Variants in ADGRA2 observed in about 807,000 individuals in gnomAD.
ADGRA2 encodes adhesion G protein-coupled receptor A2.
In ADGRA2, 61 loss-of-function variants were observed where a neutral mutation model predicts 98.7. The ratio of observed to expected loss-of-function variants is 0.62; its 90% CI spans 0.50 to 0.76. The LOEUF is 0.76. Ranked by LOEUF, ADGRA2 falls within the 30% of genes least tolerant of loss-of-function variation. ADGRA2 has a pLI of 0.00. For missense variants in ADGRA2, 1,712 were observed against 1,860.0 expected (o/e 0.92, Z 1.46); for synonymous variants, 858 against 831.5 (o/e 1.03, Z -0.55).
Position 37,815,078 on chromosome 8 carries a change from C to T in ADGRA2, c.338+111C>T, listed in dbSNP as rs116358500. On this transcript the variant is annotated intron_variant, in intron 2 of 18. Transcript: ENST00000412232. ...CTGAGTGACTCCAGAACCTGCCGGCCGAGCAGGGCCCGGAGTTAGACCCAC... is the reference window on the plus strand; with the variant it reads ...CTGAGTGACTCCAGAACCTGCCGGCTGAGCAGGGCCCGGAGTTAGACCCAC... The T allele has an allele frequency of 2.9e-3, 2,334 of 799,426 alleles. 32 individuals are homozygous for T. The African/African-American group carries it at 0.035, about 12-fold the overall frequency. 49.5% of individuals were successfully genotyped at this position (799,426 alleles called of 1,614,324 possible).
chr8:37,816,262 C>A (rs1244373802), intron 2 of ADGRA2, among the ~76,000 whole-genome samples: 1 of 146,278 alleles, frequency 6.8e-6, no homozygotes, highest in Admixed American at 6.6e-5. Flanking sequence ...TGCACTCCAG[C>A]CTGTGTAACA....
At chr8:37,835,093 C>A in intron 11 of ADGRA2, 81 bp from the exon 12 acceptor site, 1 of 971,900 alleles carries the variant, frequency 1.0e-6, no homozygotes, top group Non-Finnish European at 1.6e-6. Flanking sequence ...ACAGCCTGAG[C>A]AGGCCCATTG....
chr8:37,819,125 T>A (rs772480166), intron 2 of ADGRA2, among the ~76,000 whole-genome samples: 12 of 151,982 alleles, frequency 7.9e-5, no homozygotes, highest in South Asian at 2.1e-4. Flanking sequence ...ATGGGGTGAT[T>A]TGGGAGGTGC....
At chr8:37,825,405 G>A (rs1402314755) in intron 2 of ADGRA2, among the ~76,000 whole-genome samples, 2 of 151,394 alleles carry the variant, frequency 1.3e-5, no homozygotes, top group Non-Finnish European at 2.9e-5. Context: ...CCCCACATTG[G>A]CTAAATTTTT....
chr8:37,830,630 AT>A lies in ADGRA2; in HGVS notation c.719-79del. On this transcript the variant is annotated intron_variant, in intron 6 of 18. Coordinates refer to ENST00000412232, the MANE Select transcript of ADGRA2 (RefSeq NM_032777.10). The surrounding 1 kb of genome is among the most constrained non-coding windows in gnomAD (Gnocchi z 4.8). ...CGAGGGCCCCGCCCCGCCCCACCCC[AT>A]CCTGCTGGACTCTCGCTCACACGTG... 13 of 254,300 alleles carry A rather than the reference AT, an allele frequency of 5.1e-5. No homozygotes were observed. The highest frequency in any genetic ancestry group is 2.3e-4 in the East Asian group (2 of 8,812). The allele number at this position is 254,300 out of a possible 1,614,324, so 15.8% of individuals were successfully genotyped here.
chr8:37,841,024 GGCCCCCAGCCCCACCCCA>G lies in ADGRA2; in HGVS notation c.2748-58_2748-41del. On this transcript the variant is annotated intron_variant, in intron 18 of 18. Coordinates refer to ENST00000412232, the MANE Select transcript of ADGRA2 (RefSeq NM_032777.10). This position sits in a 1 kb window ranked among gnomAD's most constrained non-coding sequence, Gnocchi z 5.0. ...CATATCCTGTCTCCCCAACCACCCC[GGCCCCCAGCCCCACCCCA>G]GCCATGCCCCCTGTCCTCATCACTG... 2 of 575,272 alleles carry G rather than the reference GGCCCCCAGCCCCACCCCA, an allele frequency of 3.5e-6. No individual in the cohort carries two copies. Among genetic ancestry groups the G allele is most frequent in the Non-Finnish European group, 6.1e-6 (2 of 326,950 alleles). The allele number at this position is 575,272 out of a possible 1,614,324, so 35.6% of individuals were successfully genotyped here.
intron 14 of ADGRA2, 60 bp from the exon 15 acceptor site, chr8:37,838,896 G>A: frequency 1.3e-6 from 2 of 1,515,046 alleles, no homozygotes; most frequent in East Asian, 2.3e-5. Context: ...GAGGAAAGCT[G>A]GCCTGGGGGC....
chr8:37,837,658 T>C, intron 13 of ADGRA2, 73 bp from the exon 14 acceptor site: 1 of 1,266,094 alleles, frequency 7.9e-7, no homozygotes, highest in Non-Finnish European at 1.1e-6. Flanking sequence ...CTGCTGCTGC[T>C]GCTGAGTCCC....
chr8:37,829,324 T>C lies in ADGRA2; in HGVS notation c.474T>C (p.Leu158=). ...AGACCTTCCAGGGCCTCCCCAGGCT[T>C]CTCCGACTGTAAGTGATGGGGTGAG... The part of the protein sequence containing the change: ...TSETFQGLPR[L]LRLNISGNIF... Residue 158 remains leucine (L), a synonymous_variant, in exon 4 of 19, where the codon CTT becomes CTC. Transcript: ENST00000412232. 3 of 1,612,250 alleles carry C rather than the reference T, an allele frequency of 1.9e-6. No individual in the cohort carries two copies. The highest frequency in any genetic ancestry group is 2.2e-5 in the South Asian group (2 of 90,986).
Position 37,835,324 on chromosome 8 carries a change from C to G in ADGRA2, c.1759C>G (p.Pro587Ala), listed in dbSNP as rs1334816285. The change falls in exon 12 of 19, where the codon CCA (proline) becomes GCA (alanine). Residue 587 changes from proline (P) to alanine (A), a missense_variant. Physicochemically the swap from Pro to Ala is conservative, Grantham distance 27. Transcript: ENST00000412232. Reference sequence around the variant, plus strand: ...GAACCCCCCACCTGAGCCCGAGCCCCCAGCTGACCAGCAGCTCCGCTTCCG... The same window carrying G: ...GAACCCCCCACCTGAGCCCGAGCCCGCAGCTGACCAGCAGCTCCGCTTCCG... Reference protein sequence around the residue: ...GQNPPPEPEPPADQQLRFRCT... With the variant: ...GQNPPPEPEPAADQQLRFRCT... The G allele has an allele frequency of 6.2e-7, 1 of 1,613,504 alleles. No individual in the cohort carries two copies. The highest frequency in any genetic ancestry group is 8.5e-7 in the Non-Finnish European group (1 of 1,179,978).
chr8:37,835,583 GC>G lies in ADGRA2; in HGVS notation c.1868del (p.Pro623ArgfsTer69). ...GCGTGGCCCTGGCCTCCATCCAGCT[GC>G]CCCCGAGTCTATTCTCATCCCTTCC... ...NSVALASIQL[P>X]PSLFSSLPAA... On this transcript the variant is annotated frameshift_variant, in exon 13 of 19. Transcript: ENST00000412232. LOFTEE classifies it high-confidence loss of function. The G allele has an allele frequency of 1.2e-6, 2 of 1,613,338 alleles. No individual in the cohort carries two copies. Among genetic ancestry groups the G allele is most frequent in the Non-Finnish European group, 1.7e-6 (2 of 1,179,356 alleles).
Position 37,814,953 on chromosome 8 carries a change from A to G in ADGRA2, c.324A>G (p.Ser108=), listed in dbSNP as rs16887051. The G allele has an allele frequency of 0.036, 57,722 of 1,610,942 alleles. 1,239 individuals carry two copies. Among genetic ancestry groups the G allele is most frequent in the East Asian group, 0.075 (3,380 of 44,862 alleles). Residue 108 remains serine (S), a synonymous_variant, in exon 2 of 19, where the codon TCA becomes TCG. Coordinates refer to ENST00000412232, the MANE Select transcript of ADGRA2 (RefSeq NM_032777.10). The surrounding 1 kb of genome is among the most constrained non-coding windows in gnomAD (Gnocchi z 4.3). ...GLRNGSFLGL[S]LLEKLDLRNN... Reference sequence around the variant, plus strand: ...GCAATGGCTCCTTCCTGGGACTGTCACTGCTGGAGAAGCTGTAAGTGCTGG... The same window carrying G: ...GCAATGGCTCCTTCCTGGGACTGTCGCTGCTGGAGAAGCTGTAAGTGCTGG...
chr8:37,842,476 A>G lies in ADGRA2; in HGVS notation c.*121A>G. The G allele has an allele frequency of 8.1e-6, 11 of 1,365,528 alleles. No homozygotes were observed. Among genetic ancestry groups the G allele is most frequent in the Non-Finnish European group, 1.0e-5 (11 of 1,056,778 alleles). The allele number at this position is 1,365,528 out of a possible 1,614,324, so 84.6% of individuals were successfully genotyped here. On this transcript the variant is annotated 3_prime_UTR_variant, in exon 19 of 19. Coordinates refer to ENST00000412232, the MANE Select transcript of ADGRA2 (RefSeq NM_032777.10). ...GGCAGAGGAGCCGATGGCTGGAGGA[A>G]GCCCACAGGCGGATGTTCCCCACTT...
Position 37,839,071 on chromosome 8 carries a change from T to A in ADGRA2, c.2375T>A (p.Ile792Asn). The A allele has an allele frequency of 6.2e-7, 1 of 1,609,164 alleles. No homozygotes were observed. Among genetic ancestry groups the A allele is most frequent in the Non-Finnish European group, 8.5e-7 (1 of 1,177,478 alleles). The change falls in exon 15 of 19, where the codon ATC becomes AAC. Residue 792 changes from isoleucine (I) to asparagine (N), a missense_variant. Physicochemically the swap from Ile to Asn is moderately radical, Grantham distance 149. Coordinates refer to ENST00000412232, the MANE Select transcript of ADGRA2 (RefSeq NM_032777.10). ...LCLFATIITY[I>N]LNHSSIRVSR... ...CTCTTCGCCACCATCATCACCTACA[T>A]CCTCAACCACAGGTGGGTGCTCCTG...
intron 2 of ADGRA2, among the ~76,000 whole-genome samples, chr8:37,824,687 G>T: frequency 6.6e-6 from 1 of 151,882 alleles, no homozygotes; most frequent in East Asian, 1.9e-4. Flanking sequence ...GTAGAGACAA[G>T]GTTTCAACAT....
At chr8:37,838,074 G>A in intron 14 of ADGRA2, 135 bp downstream of exon 14, 1 of 742,826 alleles carries the variant, frequency 1.3e-6, no homozygotes, top group Non-Finnish European at 2.1e-6. Flanking sequence ...GGCCCCATGA[G>A]TGGTGGGATG....
chr8:37,829,277 C>G lies in ADGRA2; in HGVS notation c.427C>G (p.Arg143Gly). ...TCTCTCTAGAGATCTCTCCAACAAC[C>G]GGATTGGCTGTCTCACCTCCGAGAC... ...ELKRLDLSNN[R>G]IGCLTSETFQ... The change falls in exon 4 of 19, where the codon CGG becomes GGG. Residue 143 changes from arginine to glycine, a missense_variant. By Grantham distance (125) the Arg-to-Gly change is moderately radical. Coordinates refer to ENST00000412232, the MANE Select transcript of ADGRA2 (RefSeq NM_032777.10). 1 of 1,613,596 alleles carries G rather than the reference C, an allele frequency of 6.2e-7. No homozygotes were observed. Among genetic ancestry groups the G allele is most frequent in the Non-Finnish European group, 8.5e-7 (1 of 1,179,688 alleles).
intron 2 of ADGRA2, among the ~76,000 whole-genome samples, chr8:37,818,248 C>G (rs1464329396): frequency 2.0e-5 from 3 of 152,202 alleles, no homozygotes; most frequent in Non-Finnish European, 2.9e-5. Flanking sequence ...GCACCTCCCA[C>G]AATGGCTCTT....
At chr8:37,835,486 A>C (rs1585403401) in intron 12 of ADGRA2, 68 bp from the exon 13 acceptor site, 1 of 1,487,104 alleles carries the variant, frequency 6.7e-7, no homozygotes, top group Non-Finnish European at 9.4e-7. Context: ...AGGTGGGAGG[A>C]GGGGGCTGCA....
Sources: gnomAD v4.1 joint callset for allele counts (sites outside exome capture counted in the v4.1 genomes callset) on GRCh38, gnomAD v4.1.1 for gene constraint, Gnocchi (gnomAD v3.1) non-coding constraint, MANE v1.5 for transcripts, NCBI Gene and HGNC (gene_info 2026-07-23, HGNC 2026-07-21) for gene names.